GOT1: variants seen among roughly 807,000 people sequenced by gnomAD.
GOT1 encodes the protein glutamic-oxaloacetic transaminase 1.
In GOT1, 25 loss-of-function variants were observed where a neutral mutation model predicts 48.2. The observed-to-expected ratio is 0.52, with a 90% CI of 0.38 to 0.72. The LOEUF is 0.72. Among genes scored for constraint, GOT1 ranks in the 30% least tolerant of loss-of-function variants. The pLI is 0.00. For synonymous variants in GOT1, 188 were observed against 193.8 expected, an observed-to-expected ratio of 0.97 and a Z score of 0.25; for missense variants, 380 against 520.1, an observed-to-expected ratio of 0.73 and a Z score of 2.62.
At chr10:99,416,877 T>C (rs546166720) in intron 2 of GOT1, among the ~76,000 whole-genome samples, 27 of 152,302 alleles carry the variant, frequency 1.8e-4, no homozygotes, top group Admixed American at 1.6e-3. Context: ...GCTAGACATA[T>C]GTAGAAAGCT....
At position 99,420,879 on chromosome 10, in the gene GOT1, C is replaced by T. The variant is rs11813054; in HGVS notation, c.119-74G>A. 4.7e-3 allele frequency: 5,564 copies of T among 1,189,394 alleles called. 200 individuals are homozygous for T. In the African/African-American group the frequency reaches 0.074, roughly 16 times the overall value. 73.7% of individuals were successfully genotyped at this position (1,189,394 alleles called of 1,614,324 possible). A position where few individuals can be genotyped will look rare whatever the true frequency, so the allele number is the denominator to read the frequency against. On this transcript the variant is annotated intron_variant, in intron 1 of 8. Coordinates refer to ENST00000370508, the MANE Select transcript of GOT1 (RefSeq NM_002079.3). ...AAGTTAAGAGTTTGTAACTGTGAAC[C>T]AGGAGAATCCCACCACCTTCCGGTC...
intron 2 of GOT1, among the ~76,000 whole-genome samples, chr10:99,408,759 A>G (rs2032793287): frequency 6.6e-6 from 1 of 152,184 alleles, no homozygotes. Flanking sequence ...ACACACGCCA[A>G]TCTTCTAACA....
At chr10:99,406,693 T>C in intron 3 of GOT1, 33 bp downstream of exon 3, 1 of 1,604,498 alleles carries the variant, frequency 6.2e-7, no homozygotes, top group Non-Finnish European at 8.5e-7. Flanking sequence ...CTCTGGTTTC[T>C]GTTTTTCCTC....
Position 99,403,638 on chromosome 10 carries a change from A to C in GOT1, c.794-4T>G. 1 of 1,613,986 alleles carries C rather than the reference A, an allele frequency of 6.2e-7. No homozygotes were observed. The highest frequency in any genetic ancestry group is 2.2e-5 in the East Asian group (1 of 44,876). On this transcript the variant is annotated splice_polypyrimidine_tract_variant and splice_region_variant and intron_variant, in intron 6 of 8. Coordinates refer to ENST00000370508, the MANE Select transcript of GOT1 (RefSeq NM_002079.3). The stretch of plus-strand genomic sequence containing the variant: ...GTCAGATTCCCGACTCTCTCATCTA[A>C]AGAGAGGGACCAGAATCAGCTGTGG...
At chr10:99,411,685 G>A (rs1280943914) in intron 2 of GOT1, among the ~76,000 whole-genome samples, 4 of 152,258 alleles carry the variant, frequency 2.6e-5, no homozygotes, top group Non-Finnish European at 5.9e-5. Context: ...TCCTCTCCCC[G>A]AAACTGAATG....
At chr10:99,399,405 A>G (rs1309076105) in intron 8 of GOT1, among the ~76,000 whole-genome samples, 1 of 152,144 alleles carries the variant, frequency 6.6e-6, no homozygotes, top group Non-Finnish European at 1.5e-5. Flanking sequence ...TAACCCCAAG[A>G]TGGTATAAAA....
In GOT1 at chr10:99,400,676, C is replaced by T. The variant is rs1017834296; in HGVS notation, c.1102+1904G>A. Among the ~76,000 whole-genome samples the T allele has an allele frequency of 8.5e-5, 13 of 152,340 alleles. No individual in the cohort carries two copies. The South Asian group carries it at 2.5e-3, about 29-fold the overall frequency. ...ACAAAAAAGGCCAGGCACAGTGGCTCACGCCTGTAATCCCAGCACTGTGGG... is the reference window on the plus strand; with the variant it reads ...ACAAAAAAGGCCAGGCACAGTGGCTTACGCCTGTAATCCCAGCACTGTGGG... On this transcript the variant is annotated intron_variant, in intron 8 of 8. Coordinates refer to ENST00000370508, the MANE Select transcript of GOT1 (RefSeq NM_002079.3).
chr10:99,420,064 A>G (rs1289739871), intron 2 of GOT1, among the ~76,000 whole-genome samples: 3 of 152,258 alleles, frequency 2.0e-5, no homozygotes, highest in African/African-American at 4.8e-5. Flanking sequence ...AGCATCTACT[A>G]GTAGCTCCTG....
intron 7 of GOT1, among the ~76,000 whole-genome samples, chr10:99,403,228 G>A (rs1049461266): frequency 1.3e-5 from 2 of 152,158 alleles, no homozygotes; most frequent in Non-Finnish European, 2.9e-5. Context: ...GACTGGGTGG[G>A]GGGGGAAATT....
chr10:99,413,764 G>C (rs1299343620), intron 2 of GOT1, among the ~76,000 whole-genome samples: 1 of 152,218 alleles, frequency 6.6e-6, no homozygotes, highest in Non-Finnish European at 1.5e-5. Context: ...CTACAAGCCA[G>C]AAGAGAGTGG....
At chr10:99,415,348 T>C (rs1050450701) in intron 2 of GOT1, among the ~76,000 whole-genome samples, 1 of 152,070 alleles carries the variant, frequency 6.6e-6, no homozygotes, top group African/African-American at 2.4e-5. Flanking sequence ...CTAGAAGAAA[T>C]GGATAAATTC....
intron 8 of GOT1, among the ~76,000 whole-genome samples, chr10:99,401,974 A>AT (rs1292622806): frequency 6.6e-6 from 1 of 151,422 alleles, no homozygotes; most frequent in Non-Finnish European, 1.5e-5. Context: ...CGCCCGGCTA[A>AT]TTTTTTTGTA....
At chr10:99,410,387 A>T (rs1051770171) in intron 2 of GOT1, among the ~76,000 whole-genome samples, 2 of 152,236 alleles carry the variant, frequency 1.3e-5, no homozygotes, top group Non-Finnish European at 2.9e-5. Flanking sequence ...ATAGATGCAT[A>T]GATACCAGTG....
chr10:99,402,674 A>C lies in GOT1; in HGVS notation c.1008T>G (p.Ser336=). 1 of 1,613,776 alleles carries C rather than the reference A, an allele frequency of 6.2e-7. No homozygotes were observed. Residue 336 remains serine, a synonymous_variant, in exon 8 of 9, where the codon TCT becomes TCG. Transcript: ENST00000370508. Reference sequence around the variant, plus strand: ...GGGCTTCTAGTCGTGCCCTGAGTTCAGATCTCATGGTCAGAATCCGGTCAG... The same window carrying C: ...GGGCTTCTAGTCGTGCCCTGAGTTCCGATCTCATGGTCAGAATCCGGTCAG... ...TMADRILTMR[S]ELRARLEALK...
chr10:99,418,505 T>TC (rs1235777863), intron 2 of GOT1, among the ~76,000 whole-genome samples: 25 of 150,738 alleles, frequency 1.7e-4, no homozygotes, highest in Non-Finnish European at 2.7e-4. Flanking sequence ...TTTTTTTTTT[T>TC]TTTTCTTTTC....
At position 99,399,021 on chromosome 10, in the gene GOT1, C is replaced by T. The variant is rs2032635807; in HGVS notation, c.1103-1335G>A. On this transcript the variant is annotated intron_variant, in intron 8 of 8. Transcript: ENST00000370508. ...AAATCTGGACCCTGGACTCAGTGCT[C>T]CTTGAAGGAAACCAAAATAGTTCAC... 2.6e-5 allele frequency among the ~76,000 whole-genome samples: 4 copies of T among 152,148 alleles called. No individual in the cohort carries two copies. In the South Asian group the frequency reaches 8.3e-4, roughly 32 times the overall value.
At position 99,405,747 on chromosome 10, in the gene GOT1, G is replaced by A. The variant is rs774045053; in HGVS notation, c.642+9C>T. The A allele has an allele frequency of 3.1e-6, 4 of 1,294,256 alleles. No homozygotes were observed. Among genetic ancestry groups the A allele is most frequent in the Admixed American group, 1.7e-5 (1 of 59,636 alleles). The allele number at this position is 1,294,256 out of a possible 1,614,324, so 80.2% of individuals were successfully genotyped here. A position where few individuals can be genotyped will look rare whatever the true frequency, so the allele number is the denominator to read the frequency against. ...TATTTTTTAAGAGATGCTCTGAAGGGGCAGTTACCTTCATGACAGAAGCAA... is the reference window on the plus strand; with the variant it reads ...TATTTTTTAAGAGATGCTCTGAAGGAGCAGTTACCTTCATGACAGAAGCAA... On this transcript the variant is annotated intron_variant, in intron 5 of 8. Coordinates refer to ENST00000370508, the MANE Select transcript of GOT1 (RefSeq NM_002079.3).
At chr10:99,415,690 TC>T (rs2032886173) in intron 2 of GOT1, among the ~76,000 whole-genome samples, 1 of 152,090 alleles carries the variant, frequency 6.6e-6, no homozygotes, top group South Asian at 2.1e-4. Context: ...GCAAAAATCC[TC>T]AATAAAATGC....
rs768187270 is a variant in GOT1, at chr10:99,405,743, A to G, written c.642+13T>C. The G allele has an allele frequency of 8.1e-7, 1 of 1,238,122 alleles. No homozygotes were observed. The highest frequency in any genetic ancestry group is 1.2e-5 in the South Asian group (1 of 83,646). The allele number at this position is 1,238,122 out of a possible 1,614,324, so 76.7% of individuals were successfully genotyped here. A position where few individuals can be genotyped will look rare whatever the true frequency, so the allele number is the denominator to read the frequency against. Reference sequence around the variant, plus strand: ...ATACTATTTTTTAAGAGATGCTCTGAAGGGGCAGTTACCTTCATGACAGAA... The same window carrying G: ...ATACTATTTTTTAAGAGATGCTCTGGAGGGGCAGTTACCTTCATGACAGAA... On this transcript the variant is annotated intron_variant, in intron 5 of 8. Transcript: ENST00000370508.
Sources: allele counts gnomAD v4.1 joint callset (sites outside exome capture counted in the v4.1 genomes callset), GRCh38; gene constraint gnomAD v4.1.1; transcripts MANE v1.5; gene names NCBI Gene and HGNC (gene_info 2026-07-23, HGNC 2026-07-21).